Variants in MYO16 observed in about 807,000 individuals in gnomAD.
MYO16 encodes unconventional myosin-XVI.
A neutral mutation model predicts 205.3 loss-of-function variants in MYO16; 94 were observed. The ratio of observed to expected loss-of-function variants is 0.46; its 90% CI spans 0.39 to 0.54. MYO16 has a LOEUF of 0.54. MYO16 is among the 20% of genes least tolerant of loss of function. The probability of loss-of-function intolerance (pLI) is 0.00; values close to 1 mark genes in which losing one functional copy is unlikely to be tolerated. For missense variants in MYO16, 2,315 were observed against 2,387.5 expected (o/e 0.97, Z 0.63); for synonymous variants, 988 against 954.0 (o/e 1.04, Z -0.66).
At chr13:108,857,940 C>T (rs1010157200) in intron 11 of MYO16, among the ~76,000 whole-genome samples, 10 of 152,138 alleles carry the variant, frequency 6.6e-5, no homozygotes, top group African/African-American at 2.4e-4. Context: ...GTGCGAGGCA[C>T]GGGTTTCTTC....
chr13:108,742,883 T>G (rs1374418609), intron 4 of MYO16, among the ~76,000 whole-genome samples: 1 of 152,218 alleles, frequency 6.6e-6, no homozygotes, highest in Non-Finnish European at 1.5e-5. Context: ...TTGGATCATG[T>G]GGTTTTTATA....
intron 22 of MYO16, among the ~76,000 whole-genome samples, chr13:109,010,950 T>G (rs1355737931): frequency 7.6e-6 from 1 of 132,182 alleles, no homozygotes; most frequent in Non-Finnish European, 1.6e-5. Context: ...ATATATTACA[T>G]ATAATATTAT....
At chr13:108,945,737 T>A (rs1882914207) in intron 16 of MYO16, among the ~76,000 whole-genome samples, 1 of 152,226 alleles carries the variant, frequency 6.6e-6, no homozygotes, top group South Asian at 2.1e-4. Flanking sequence ...TTGTTTTGGA[T>A]AAGTTTACCT....
intron 4 of MYO16, among the ~76,000 whole-genome samples, chr13:108,731,008 A>G (rs1884503643): frequency 6.6e-6 from 1 of 152,158 alleles, no homozygotes; most frequent in Non-Finnish European, 1.5e-5. Context: ...CTTTGTTCTT[A>G]TGAGATACAG....
the MYO16 span, among the ~76,000 whole-genome samples, chr13:108,561,309 T>C: frequency 1.3e-5 from 2 of 152,246 alleles, no homozygotes; most frequent in Non-Finnish European, 2.9e-5. Context: ...ATGACTTGTT[T>C]ACGTAACAGA....
At chr13:109,062,357 G>A (rs1887619115) in intron 27 of MYO16, among the ~76,000 whole-genome samples, 2 of 152,108 alleles carry the variant, frequency 1.3e-5, no homozygotes, top group South Asian at 4.1e-4. Flanking sequence ...AGATTAAGTG[G>A]TCGTTCATTT....
intron 34 of MYO16, among the ~76,000 whole-genome samples, chr13:109,189,743 C>T (rs1015247341): frequency 6.6e-6 from 1 of 152,194 alleles, no homozygotes; most frequent in African/African-American, 2.4e-5. Flanking sequence ...CTGTTGCTCT[C>T]CTTCATTTCT....
chr13:108,827,331 C>T (rs1876330161), intron 9 of MYO16, among the ~76,000 whole-genome samples: 1 of 152,026 alleles, frequency 6.6e-6, no homozygotes, highest in South Asian at 2.1e-4. Flanking sequence ...GGATACAAGC[C>T]AAATTTCTGC....
At chr13:109,108,422 T>G (rs2139731524) in intron 28 of MYO16, among the ~76,000 whole-genome samples, 1 of 152,342 alleles carries the variant, frequency 6.6e-6, no homozygotes, top group Admixed American at 6.5e-5. Flanking sequence ...GAGTAATATC[T>G]TAGAGTACTA....
At chr13:108,730,771 A>G (rs1385174990) in intron 4 of MYO16, among the ~76,000 whole-genome samples, 1 of 152,142 alleles carries the variant, frequency 6.6e-6, no homozygotes, top group Non-Finnish European at 1.5e-5. Flanking sequence ...GAAGTGTTAT[A>G]TTGTTGTCCT....
At chr13:108,910,919 C>A (rs1294227752) in intron 16 of MYO16, among the ~76,000 whole-genome samples, 1 of 151,938 alleles carries the variant, frequency 6.6e-6, no homozygotes, top group African/African-American at 2.4e-5. Flanking sequence ...ACTTCAGATA[C>A]CTGCTGATAC....
chr13:108,624,781 CTGAGTGTGTGTGTGTGTGTG>C (rs1378035649), upstream of MYO16, among the ~76,000 whole-genome samples: 1 of 121,544 alleles, frequency 8.2e-6, no homozygotes, highest in African/African-American at 2.9e-5. Context: ...CCCATATAGC[CTGAGTGTGTGTGTGTGTGTG>C]TGTGTGTGTG....
chr13:109,175,039 T>C (rs957428064), intron 33 of MYO16, among the ~76,000 whole-genome samples: 7 of 152,208 alleles, frequency 4.6e-5, no homozygotes, highest in African/African-American at 1.4e-4. Context: ...CGTGAGCCAC[T>C]GCACCCAGCC....
At chr13:108,722,313 G>A (rs753282342) in intron 3 of MYO16, among the ~76,000 whole-genome samples, 35 of 152,102 alleles carry the variant, frequency 2.3e-4, no homozygotes, top group Non-Finnish European at 4.7e-4. Context: ...AATATTTCCT[G>A]GCTTGAAGAA....
chr13:108,581,704 G>A, the MYO16 span, among the ~76,000 whole-genome samples: 2 of 151,622 alleles, frequency 1.3e-5, no homozygotes, highest in South Asian at 2.1e-4. Flanking sequence ...TGGGCAACAT[G>A]GTGAAACCCC....
At chr13:109,185,839 A>G (rs1033191450) in intron 34 of MYO16, among the ~76,000 whole-genome samples, 1 of 152,220 alleles carries the variant, frequency 6.6e-6, no homozygotes, top group Non-Finnish European at 1.5e-5. Context: ...TAAATCATAT[A>G]ATATTCACAA....
At position 109,100,814 on chromosome 13, in the gene MYO16, G is replaced by T. The variant is rs140739382; in HGVS notation, c.3365G>T (p.Arg1122Leu). 1 of 1,613,570 alleles carries T rather than the reference G, an allele frequency of 6.2e-7. No homozygotes were observed. Among genetic ancestry groups the T allele is most frequent in the Non-Finnish European group, 8.5e-7 (1 of 1,179,598 alleles). ...RYKPLADTFLREKKEQSAAER... is the reference protein window; with the variant it reads ...RYKPLADTFLLEKKEQSAAER... ...AAGCCACTGGCTGATACATTCCTGC[G>T]TGAGAAGAAGGAACAGTCAGCTGCC... The change falls in exon 28 of 35, where the codon CGT becomes CTT. Residue 1122 changes from arginine to leucine, a missense_variant. This residue lies in a region of MYO16 where 1,097 missense variants were observed against 1,092.0 expected (regional missense o/e 1.00). Coordinates refer to ENST00000457511, the MANE Select transcript of MYO16 (RefSeq NM_001198950.3).
At chr13:108,958,538 A>G (rs1295492885) in intron 17 of MYO16, among the ~76,000 whole-genome samples, 3 of 152,212 alleles carry the variant, frequency 2.0e-5, no homozygotes, top group African/African-American at 7.2e-5. Flanking sequence ...TGATGATGGA[A>G]AAGTTAGTGA....
At chr13:108,914,207 A>C (rs577758437) in intron 16 of MYO16, among the ~76,000 whole-genome samples, 23 of 149,046 alleles carry the variant, frequency 1.5e-4, no homozygotes, top group African/African-American at 5.4e-4. Flanking sequence ...ATTGTTAATA[A>C]TTACTGTATC....
Sources: allele counts gnomAD v4.1 joint callset (sites outside exome capture counted in the v4.1 genomes callset), GRCh38; gene constraint gnomAD v4.1.1; regional missense constraint gnomAD v4.1.1; transcripts MANE v1.5; gene names NCBI Gene and HGNC (gene_info 2026-07-23, HGNC 2026-07-21).